The following CDH13 variants were observed in gnomAD, a reference collection of about 807,000 sequenced individuals.
CDH13 encodes the protein cadherin 13, also known as cadherin-13.
Under a neutral mutation model 63.8 loss-of-function variants are expected in CDH13, and 24 were observed. That is an observed-to-expected ratio of 0.38 (90% CI 0.27 to 0.53). The LOEUF (loss-of-function observed/expected upper bound fraction) is 0.53. CDH13 is among the 20% of genes least tolerant of loss of function. CDH13 has a pLI of 0.85. For synonymous variants in CDH13, 503 were observed against 355.3 expected (o/e 1.42, Z -4.67); for missense variants, 1,049 against 903.1 (o/e 1.16, Z -2.07).
chr16:83,084,865 G>A (rs558080826), intron 3 of CDH13, among the ~76,000 whole-genome samples: 25 of 152,316 alleles, frequency 1.6e-4, no homozygotes, highest in African/African-American at 5.5e-4. Context: ...TCCAGCCTGG[G>A]CAATAAGCAC....
intron 1 of CDH13, among the ~76,000 whole-genome samples, chr16:82,794,854 G>A (rs1382513271): frequency 6.6e-6 from 1 of 152,070 alleles, no homozygotes; most frequent in Non-Finnish European, 1.5e-5. Flanking sequence ...TCCTCTCACA[G>A]AACATATAAA....
intron 10 of CDH13, among the ~76,000 whole-genome samples, chr16:83,698,862 A>C (rs543874275): frequency 6.6e-6 from 1 of 152,256 alleles, no homozygotes; most frequent in African/African-American, 2.4e-5. Context: ...TCGTAATCCA[A>C]AAGCTGCCAC....
intron 10 of CDH13, among the ~76,000 whole-genome samples, chr16:83,708,767 G>A (rs1259058586): frequency 6.6e-6 from 1 of 152,222 alleles, no homozygotes; most frequent in Non-Finnish European, 1.5e-5. Context: ...GCTCATGCCT[G>A]TAATTCCAGC....
At chr16:82,892,456 G>A (rs376036753) in intron 2 of CDH13, among the ~76,000 whole-genome samples, 54 of 152,264 alleles carry the variant, frequency 3.5e-4, no homozygotes, top group African/African-American at 1.3e-3. Flanking sequence ...AAAAGATTGT[G>A]CTGTCTGCCC....
intron 5 of CDH13, among the ~76,000 whole-genome samples, chr16:83,248,142 G>T (rs574234089): frequency 6.6e-6 from 1 of 152,184 alleles, no homozygotes; most frequent in East Asian, 1.9e-4. Context: ...GAACCTGCTG[G>T]CTTTCTTCCA....
At chr16:82,636,364 G>T (rs72832159) in intron 1 of CDH13, among the ~76,000 whole-genome samples, 1 of 152,236 alleles carries the variant, frequency 6.6e-6, no homozygotes, top group Non-Finnish European at 1.5e-5. Flanking sequence ...ATTGCCAGCA[G>T]ATCCAGTCCA....
intron 2 of CDH13, among the ~76,000 whole-genome samples, chr16:82,920,048 T>C (rs1330590054): frequency 6.6e-6 from 1 of 152,224 alleles, no homozygotes; most frequent in African/African-American, 2.4e-5. Flanking sequence ...CCTTTGCTAC[T>C]GCAAGTGCCA....
At chr16:83,656,675 C>A (rs1469395110) in intron 8 of CDH13, among the ~76,000 whole-genome samples, 1 of 152,186 alleles carries the variant, frequency 6.6e-6, no homozygotes, top group Non-Finnish European at 1.5e-5. Flanking sequence ...GAGCCATTTC[C>A]TGTGGGAAAG....
At chr16:82,838,064 C>T (rs2038845229) in intron 1 of CDH13, among the ~76,000 whole-genome samples, 1 of 152,212 alleles carries the variant, frequency 6.6e-6, no homozygotes, top group African/African-American at 2.4e-5. Context: ...TTCCTCCCAT[C>T]ACCCCGCAGA....
At chr16:83,204,774 T>C (rs966741207) in intron 4 of CDH13, among the ~76,000 whole-genome samples, 3 of 152,202 alleles carry the variant, frequency 2.0e-5, no homozygotes, top group Admixed American at 1.3e-4. Context: ...GAAGGTTAGG[T>C]GGGAACTGTG....
intron 7 of CDH13, among the ~76,000 whole-genome samples, chr16:83,576,472 A>C (rs1905092213): frequency 6.6e-6 from 1 of 152,226 alleles, no homozygotes; most frequent in Admixed American, 6.5e-5. Flanking sequence ...GAACGTGTGC[A>C]TACATGTATT....
At position 83,783,435 on chromosome 16, in the gene CDH13, G is replaced by T; in HGVS notation, c.2097G>T (p.Leu699=). ...CGGCAGGGGCCCTGCGCTTCAGCCT[G>T]CCCTCAGTCCTGCTCCTCAGCCTCT... The part of the protein sequence containing the change: ...CNAAGALRFS[L]PSVLLLSLFS... The change falls in exon 13 of 14, where the codon CTG becomes CTT. Residue 699 remains leucine, a synonymous_variant. Coordinates refer to ENST00000567109, the MANE Select transcript of CDH13 (RefSeq NM_001257.5). The T allele has an allele frequency of 1.2e-6, 2 of 1,613,950 alleles. No individual in the cohort carries two copies. The highest frequency in any genetic ancestry group is 1.7e-6 in the Non-Finnish European group (2 of 1,179,830).
Position 82,627,091 on chromosome 16 carries a change from A to G in CDH13, c.-2A>G. 1 of 1,601,934 alleles carries G rather than the reference A, an allele frequency of 6.2e-7. No homozygotes were observed. Among genetic ancestry groups the G allele is most frequent in the South Asian group, 1.1e-5 (1 of 88,580 alleles). ...GCCGCCGGGCGCTTCTAGTCGGACA[A>G]AATGCAGCCGAGAACTCCGCTCGTT... On this transcript the variant is annotated 5_prime_UTR_variant, in exon 1 of 14. Transcript: ENST00000567109.
chr16:83,050,415 T>C (rs553983517), intron 3 of CDH13, among the ~76,000 whole-genome samples: 15 of 152,286 alleles, frequency 9.8e-5, no homozygotes, highest in African/African-American at 3.4e-4. Context: ...CAGCAGAGCA[T>C]TGGCAGTCCT....
chr16:83,317,126 A>G (rs1484270136), intron 5 of CDH13, among the ~76,000 whole-genome samples: 1 of 152,204 alleles, frequency 6.6e-6, no homozygotes, highest in African/African-American at 2.4e-5. Flanking sequence ...AACATCCTAC[A>G]ATGCCCAGAA....
intron 8 of CDH13, among the ~76,000 whole-genome samples, chr16:83,619,941 G>A (rs1452768043): frequency 1.3e-5 from 2 of 152,168 alleles, no homozygotes; most frequent in African/African-American, 4.8e-5. Context: ...ATGTCTGGCA[G>A]GAGGAACTGA....
At chr16:83,322,048 G>A (rs2090240339) in intron 5 of CDH13, among the ~76,000 whole-genome samples, 1 of 152,168 alleles carries the variant, frequency 6.6e-6, no homozygotes. Context: ...AGCAGGGCTG[G>A]CTGCAGACTG....
At chr16:82,865,806 G>GT (rs1428172837) in intron 2 of CDH13, among the ~76,000 whole-genome samples, 4 of 152,170 alleles carry the variant, frequency 2.6e-5, no homozygotes, top group East Asian at 1.9e-4. Context: ...CCCAGAAAAT[G>GT]TTTTTTTCTT....
At chr16:83,696,236 A>C (rs1905383605) in intron 10 of CDH13, among the ~76,000 whole-genome samples, 1 of 152,180 alleles carries the variant, frequency 6.6e-6, no homozygotes, top group Non-Finnish European at 1.5e-5. Context: ...TTTGTTTTGC[A>C]AGAGAAAACA....
Sources: gnomAD v4.1 joint callset for allele counts (sites outside exome capture counted in the v4.1 genomes callset) on GRCh38, gnomAD v4.1.1 for gene constraint, MANE v1.5 for transcripts, NCBI Gene and HGNC (gene_info 2026-07-23, HGNC 2026-07-21) for gene names.